The following PDE4D variants were observed in gnomAD, a reference collection of about 807,000 sequenced individuals.
PDE4D encodes the protein 3',5'-cyclic-AMP phosphodiesterase 4D.
A neutral mutation model predicts 87.4 loss-of-function variants in PDE4D; 24 were observed. The ratio of observed to expected loss-of-function variants is 0.27; its 90% CI spans 0.20 to 0.39. PDE4D has a LOEUF of 0.39. Ranked by LOEUF, PDE4D falls within the 10% of genes least tolerant of loss-of-function variation. The pLI is 1.00. For missense variants in PDE4D, 714 were observed against 1,041.0 expected, an observed-to-expected ratio of 0.69 and a Z score of 4.32; for synonymous variants, 384 against 383.2, an observed-to-expected ratio of 1.00 and a Z score of -0.02.
In PDE4D at chr5:59,157,578, G is replaced by C. The variant is rs1011672691; in HGVS notation, c.808+23017C>G. Among the ~76,000 whole-genome samples, 3 of 152,310 alleles carry C rather than the reference G, an allele frequency of 2.0e-5. No individual in the cohort carries two copies. The South Asian group carries it at 6.2e-4, about 32-fold the overall frequency. On this transcript the variant is annotated intron_variant, in intron 5 of 14. Coordinates refer to ENST00000340635, the MANE Select transcript of PDE4D (RefSeq NM_001104631.2). ...TTCAATGAGGACAGAAAGTAATATTGTATAATTGTTATTATTACCATAATG... is the reference window on the plus strand; with the variant it reads ...TTCAATGAGGACAGAAAGTAATATTCTATAATTGTTATTATTACCATAATG...
At chr5:59,421,881 A>T (rs1213494881) in intron 1 of PDE4D, among the ~76,000 whole-genome samples, 1 of 152,208 alleles carries the variant, frequency 6.6e-6, no homozygotes, top group African/African-American at 2.4e-5. Context: ...GAATTTTACA[A>T]GAATTTATTG....
chr5:60,007,170 T>C (rs528244200), intron 2 of PDE4D, among the ~76,000 whole-genome samples: 1 of 152,010 alleles, frequency 6.6e-6, no homozygotes, highest in Non-Finnish European at 1.5e-5. Flanking sequence ...AGTTATAGTA[T>C]GATTTTTCAA....
intron 1 of PDE4D, among the ~76,000 whole-genome samples, chr5:59,640,550 C>T (rs1328704813): frequency 4.6e-5 from 7 of 152,170 alleles, no homozygotes. Flanking sequence ...AACCAGAGCA[C>T]CCAGCTCTCA....
At chr5:59,444,538 C>T (rs2034894) in intron 1 of PDE4D, among the ~76,000 whole-genome samples, 10 of 152,068 alleles carry the variant, frequency 6.6e-5, no homozygotes, top group Admixed American at 3.9e-4. Context: ...CCCAGTCGGG[C>T]GCGGTGGCTC....
intron 2 of PDE4D, among the ~76,000 whole-genome samples, chr5:60,024,924 A>G (rs925068013): frequency 2.0e-5 from 3 of 152,080 alleles, no homozygotes; most frequent in African/African-American, 7.2e-5. Flanking sequence ...TTGAAGTATC[A>G]TCAAGGTTTG....
chr5:59,302,875 CTTCTT>C (rs1268698450), intron 1 of PDE4D, among the ~76,000 whole-genome samples: 2 of 152,070 alleles, frequency 1.3e-5, no homozygotes, highest in Non-Finnish European at 2.9e-5. Context: ...CAAATAATGA[CTTCTT>C]TTCCTCTGGG....
At chr5:60,521,415 C>T (rs1751034152) in intron 1 of PDE4D, 1 of 152,206 alleles carries the variant, frequency 6.6e-6, no homozygotes, top group Non-Finnish European at 1.5e-5. Flanking sequence ...CCCAGCCTCT[C>T]CTTTCTGACA....
At chr5:60,359,326 T>C (rs1485720934) in intron 1 of PDE4D, among the ~76,000 whole-genome samples, 2 of 152,212 alleles carry the variant, frequency 1.3e-5, no homozygotes, top group East Asian at 3.9e-4. Context: ...GAGGATCACT[T>C]GAGCCCCGGA....
At chr5:59,720,573 T>A (rs1040899824) in intron 1 of PDE4D, among the ~76,000 whole-genome samples, 7 of 151,996 alleles carry the variant, frequency 4.6e-5, no homozygotes, top group African/African-American at 7.2e-5. Context: ...ATTTAGTGAG[T>A]GGTAACTAAA....
chr5:59,913,902 T>A (rs1222664325), intron 3 of PDE4D, among the ~76,000 whole-genome samples: 1 of 152,142 alleles, frequency 6.6e-6, no homozygotes. Flanking sequence ...ATTGTAGTTT[T>A]AATATAATTT....
chr5:59,963,136 G>C (rs1448908622), intron 3 of PDE4D, among the ~76,000 whole-genome samples: 1 of 152,134 alleles, frequency 6.6e-6, no homozygotes, highest in Non-Finnish European at 1.5e-5. Context: ...ACAGGTTGCT[G>C]AGGCTCAACG....
rs551411072 is a variant in PDE4D, at chr5:59,425,511, G to A, written c.456-209543C>T. On this transcript the variant is annotated intron_variant, in intron 1 of 14. Transcript: ENST00000340635. ...ACATTGCCAAATGTCCCCTGCATGA[G>A]AGGTGGAGGGTAGAATTGCGTCAGT... Among the ~76,000 whole-genome samples, 4 of 152,234 alleles carry A rather than the reference G, an allele frequency of 2.6e-5. No individual in the cohort carries two copies. The South Asian group carries it at 8.3e-4, about 32-fold the overall frequency.
chr5:59,112,904 G>A (rs1772928277), intron 5 of PDE4D, among the ~76,000 whole-genome samples: 1 of 151,032 alleles, frequency 6.6e-6, no homozygotes, highest in African/African-American at 2.4e-5. Flanking sequence ...AGATTTAAGC[G>A]ATTCTCCTGC....
At chr5:60,190,848 T>G (rs1267831773) in intron 1 of PDE4D, among the ~76,000 whole-genome samples, 1 of 152,190 alleles carries the variant, frequency 6.6e-6, no homozygotes, top group Non-Finnish European at 1.5e-5. Context: ...AGGTTGTAGC[T>G]TATGCTCAGT....
chr5:59,917,788 TAA>T (rs1754230328), intron 3 of PDE4D, among the ~76,000 whole-genome samples: 1 of 152,158 alleles, frequency 6.6e-6, no homozygotes, highest in Admixed American at 6.5e-5. Context: ...TTATTTAATC[TAA>T]AAGACCATTT....
At chr5:60,517,137 G>C (rs1321793438) in intron 1 of PDE4D, among the ~76,000 whole-genome samples, 1 of 152,234 alleles carries the variant, frequency 6.6e-6, no homozygotes, top group Non-Finnish European at 1.5e-5. Flanking sequence ...TCACGACCCA[G>C]CTGTGTATGC....
intron 1 of PDE4D, among the ~76,000 whole-genome samples, chr5:59,624,046 G>T (rs765609575): frequency 1.3e-5 from 2 of 152,128 alleles, no homozygotes; most frequent in African/African-American, 4.8e-5. Context: ...ATATAAAGCA[G>T]CCCCGTTGTG....
chr5:60,071,084 T>C (rs1412041844), intron 2 of PDE4D, among the ~76,000 whole-genome samples: 2 of 151,990 alleles, frequency 1.3e-5, no homozygotes, highest in African/African-American at 4.8e-5. Context: ...TGCTAGTTAG[T>C]TTACTTAAGG....
chr5:59,188,751 C>T (rs1424845196), intron 3 of PDE4D, among the ~76,000 whole-genome samples: 2 of 152,048 alleles, frequency 1.3e-5, no homozygotes, highest in East Asian at 3.9e-4. Context: ...TGCTTATTTA[C>T]AAAATAGAAA....
Sources: allele counts gnomAD v4.1 joint callset (sites outside exome capture counted in the v4.1 genomes callset), GRCh38; gene constraint gnomAD v4.1.1; transcripts MANE v1.5; gene names NCBI Gene and HGNC (gene_info 2026-07-23, HGNC 2026-07-21).